The following TRUB1 variants were observed in gnomAD, a reference collection of about 807,000 sequenced individuals.
TRUB1 encodes the protein TruB pseudouridine synthase family member 1, also known as pseudouridylate synthase TRUB1.
In TRUB1, 23 loss-of-function variants were observed where a neutral mutation model predicts 33.9. The ratio of observed to expected loss-of-function variants is 0.68; its 90% CI spans 0.49 to 0.96. TRUB1 has a LOEUF of 0.96. Ranked by LOEUF, TRUB1 falls within the 40% of genes least tolerant of loss-of-function variation. The pLI is 0.00. For synonymous variants in TRUB1, 163 were observed against 165.4 expected (o/e 0.99, Z 0.11); for missense variants, 378 against 422.2 (o/e 0.90, Z 0.92).
chr10:114,962,214 C>A (rs1365269132), intron 4 of TRUB1, among the ~76,000 whole-genome samples: 28 of 152,112 alleles, frequency 1.8e-4, no homozygotes, highest in Non-Finnish European at 3.7e-4. Context: ...CACCACCATG[C>A]CTGACTATTT....
chr10:114,972,212 C>T lies in TRUB1; in HGVS notation c.674C>T (p.Ala225Val). The change falls in exon 6 of 8, where the codon GCC becomes GTC. Residue 225 changes from alanine (A) to valine (V), a missense_variant. By Grantham distance (64) the Ala-to-Val change is moderately conservative. Transcript: ENST00000298746. ...KRGEVVEAKP[A>V]RPVTVYSISL... ...GGTGAAGTCGTAGAAGCAAAACCTG[C>T]CAGGCCAGTGACTGTATACAGTATC... 1.2e-6 allele frequency: 2 copies of T among 1,613,632 alleles called. No homozygotes were observed. Among genetic ancestry groups the T allele is most frequent in the Non-Finnish European group, 1.7e-6 (2 of 1,179,768 alleles).
intron 4 of TRUB1, among the ~76,000 whole-genome samples, chr10:114,965,356 CTATT>C (rs1313953506): frequency 6.6e-6 from 1 of 151,834 alleles, no homozygotes; most frequent in Non-Finnish European, 1.5e-5. Flanking sequence ...TTTTCTGTAT[CTATT>C]GATTTTTCTC....
At chr10:114,970,659 GC>G (rs766482608) in intron 5 of TRUB1, among the ~76,000 whole-genome samples, 16 of 152,312 alleles carry the variant, frequency 1.1e-4, no homozygotes, top group Non-Finnish European at 1.8e-4. Flanking sequence ...TGTGGCCCCA[GC>G]CTGGCATCTG....
At chr10:114,960,047 T>C in intron 4 of TRUB1, 1 of 422,642 alleles carries the variant, frequency 2.4e-6, no homozygotes, top group Non-Finnish European at 4.2e-6. Flanking sequence ...TCAGAATTAT[T>C]CTTCCAAATA....
At chr10:114,962,904 A>G (rs1372270569) in intron 4 of TRUB1, among the ~76,000 whole-genome samples, 7 of 152,212 alleles carry the variant, frequency 4.6e-5, no homozygotes, top group Non-Finnish European at 1.0e-4. Context: ...ATGACTGCAG[A>G]TAAGCCGGGA....
Position 114,951,078 on chromosome 10 carries a change from T to C in TRUB1, c.386-16T>C, listed in dbSNP as rs2084233180. ...TCAGAACAGAGTGTCATAATATTTC[T>C]TTCTTTGATTTGTAGTTGTTGGAAT... On this transcript the variant is annotated splice_polypyrimidine_tract_variant and intron_variant, in intron 2 of 7. Coordinates refer to ENST00000298746, the MANE Select transcript of TRUB1 (RefSeq NM_139169.5). 6.2e-7 allele frequency: 1 copy of C among 1,609,406 alleles called. No individual in the cohort carries two copies. The highest frequency in any genetic ancestry group is 8.5e-7 in the Non-Finnish European group (1 of 1,176,644).
intron 2 of TRUB1, among the ~76,000 whole-genome samples, chr10:114,949,447 C>G (rs1027950201): frequency 6.6e-6 from 1 of 152,106 alleles, no homozygotes; most frequent in Non-Finnish European, 1.5e-5. Context: ...AAGGACAATA[C>G]AGATGAGTGT....
chr10:114,947,354 A>G (rs868359444), intron 2 of TRUB1, among the ~76,000 whole-genome samples: 1 of 152,224 alleles, frequency 6.6e-6, no homozygotes, highest in South Asian at 2.1e-4. Context: ...ACAGATTGGT[A>G]ATTTGTTAAC....
rs557199618 is a variant in TRUB1, at chr10:114,948,250, C to G, written c.386-2844C>G. Among the ~76,000 whole-genome samples the G allele has an allele frequency of 2.3e-3, 354 of 152,234 alleles. 2 individuals carry two copies. Among genetic ancestry groups the G allele is most frequent in the African/African-American group, 8.2e-3 (342 of 41,554 alleles). ...ATGTGGTGCCTTTGCTCATGTTTTT[C>G]TTTTATAAGCTGCTCATCTCTCTCA... On this transcript the variant is annotated intron_variant, in intron 2 of 7. Coordinates refer to ENST00000298746, the MANE Select transcript of TRUB1 (RefSeq NM_139169.5).
At chr10:114,946,125 C>T (rs911412806) in intron 2 of TRUB1, among the ~76,000 whole-genome samples, 5 of 152,120 alleles carry the variant, frequency 3.3e-5, no homozygotes, top group Non-Finnish European at 5.9e-5. Flanking sequence ...TCTAATCATA[C>T]TTCGGTTTGT....
chr10:114,958,083 A>T (rs2084269190), intron 3 of TRUB1, among the ~76,000 whole-genome samples: 1 of 152,200 alleles, frequency 6.6e-6, no homozygotes, highest in Non-Finnish European at 1.5e-5. Context: ...TTTTAAGATA[A>T]GGAAATTAAG....
At chr10:114,968,739 T>TAAA (rs957400472) in intron 4 of TRUB1, among the ~76,000 whole-genome samples, 42 of 152,336 alleles carry the variant, frequency 2.8e-4, no homozygotes, top group African/African-American at 9.9e-4. Flanking sequence ...GTTTAGCTTT[T>TAAA]AAGGGTCAAG....
At chr10:114,942,970 A>G (rs1239672901) in intron 2 of TRUB1, among the ~76,000 whole-genome samples, 2 of 152,234 alleles carry the variant, frequency 1.3e-5, no homozygotes, top group Admixed American at 6.5e-5. Context: ...GGACTTTGAA[A>G]AAAGGTTTCT....
intron 4 of TRUB1, chr10:114,969,460 T>A (rs1350003895): frequency 6.6e-6 from 1 of 150,700 alleles, no homozygotes; most frequent in East Asian, 1.9e-4. Flanking sequence ...TAAATAAAAA[T>A]AAAATATGGA....
chr10:114,944,767 T>C (rs548828568), intron 2 of TRUB1, among the ~76,000 whole-genome samples: 4 of 152,122 alleles, frequency 2.6e-5, no homozygotes, highest in Non-Finnish European at 5.9e-5. Flanking sequence ...GGTGGATTGC[T>C]TGAGCCCAAG....
At chr10:114,968,950 C>T (rs1421369804) in intron 4 of TRUB1, among the ~76,000 whole-genome samples, 1 of 151,736 alleles carries the variant, frequency 6.6e-6, no homozygotes, top group East Asian at 1.9e-4. Flanking sequence ...ATGGTAAAAC[C>T]ACTGAAATTT....
At chr10:114,975,018 G>A (rs2143038204) in intron 7 of TRUB1, 105 bp from the exon 8 acceptor site, 1 of 1,324,970 alleles carries the variant, frequency 7.5e-7, no homozygotes, top group Non-Finnish European at 1.0e-6. Context: ...ACTTTTGGGT[G>A]GTTTTGAGAG....
chr10:114,951,209 G>T lies in TRUB1; in HGVS notation c.441+60G>T, dbSNP rs2084234022. The T allele has an allele frequency of 6.6e-6, 9 of 1,354,930 alleles. No homozygotes were observed. The South Asian group carries it at 7.7e-5, about 12-fold the overall frequency. 83.9% of individuals were successfully genotyped at this position (1,354,930 alleles called of 1,614,324 possible). On this transcript the variant is annotated intron_variant, in intron 3 of 7. Coordinates refer to ENST00000298746, the MANE Select transcript of TRUB1 (RefSeq NM_139169.5). ...TGTTCTTAATGATCTACATGTATTG[G>T]GTTTTTATCAAATAAAAAATAAACT...
Position 114,975,400 on chromosome 10 carries a change from C to A in TRUB1, c.*21C>A. 2.0e-6 allele frequency: 3 copies of A among 1,513,034 alleles called. No individual in the cohort carries two copies. Among genetic ancestry groups the A allele is most frequent in the South Asian group, 1.4e-5 (1 of 73,866 alleles). 93.7% of individuals were successfully genotyped at this position (1,513,034 alleles called of 1,614,324 possible). On this transcript the variant is annotated 3_prime_UTR_variant, in exon 8 of 8. Transcript: ENST00000298746. ...GTTGAGATTGGCCTGGGAATATCAT[C>A]ATTTTCTAGTTGACATTTGAATCCT...
Sources: allele counts gnomAD v4.1 joint callset (sites outside exome capture counted in the v4.1 genomes callset), GRCh38; gene constraint gnomAD v4.1.1; transcripts MANE v1.5; gene names NCBI Gene and HGNC (gene_info 2026-07-23, HGNC 2026-07-21).